Variants in UGT1A7 observed in about 807,000 individuals in gnomAD.
The protein encoded by UGT1A7 is UDP glucuronosyltransferase family 1 member A7, also known as UDP-glucuronosyltransferase 1A7.
A neutral mutation model predicts 45.6 loss-of-function variants in UGT1A7; 33 were observed. The observed-to-expected ratio is 0.72, with a 90% CI of 0.55 to 0.97. The LOEUF is 0.97. Ranked by LOEUF, UGT1A7 falls within the 50% of genes least tolerant of loss-of-function variation. The pLI is 0.00. For missense variants in UGT1A7, 684 were observed against 666.2 expected, an observed-to-expected ratio of 1.03 and a Z score of -0.29; for synonymous variants, 274 against 250.6, an observed-to-expected ratio of 1.09 and a Z score of -0.88.
chr2:233,771,764 G>GTCCCTCTCTCCT (rs1188840663), intron 4 of UGT1A7: 1 of 152,544 alleles, frequency 6.6e-6, no homozygotes, highest in East Asian at 1.9e-4. Context: ...TCCTTCCTCC[G>GTCCCTCTCTCCT]TCCCTCTCTC....
At chr2:233,755,961 C>T (rs1443749544) in intron 1 of UGT1A7, 1 of 152,160 alleles carries the variant, frequency 6.6e-6, no homozygotes, top group Non-Finnish European at 1.5e-5. Flanking sequence ...TAGTACTTGG[C>T]TCTATAGAGA....
At chr2:233,738,412 C>G (rs988923331) in intron 1 of UGT1A7, among the ~76,000 whole-genome samples, 2 of 152,164 alleles carry the variant, frequency 1.3e-5, no homozygotes, top group African/African-American at 2.4e-5. Flanking sequence ...GGGTAACAGG[C>G]AGAGGCTGGA....
At position 233,682,225 on chromosome 2, in the gene UGT1A7, T is replaced by C; in HGVS notation, c.288T>C (p.Ala96=). 1 of 1,614,246 alleles carries C rather than the reference T, an allele frequency of 6.2e-7. No homozygotes were observed. Among genetic ancestry groups the C allele is most frequent in the Non-Finnish European group, 8.5e-7 (1 of 1,180,038 alleles). The change falls in exon 1 of 5, where the codon GCT becomes GCC. Residue 96 remains alanine, a synonymous_variant. Transcript: ENST00000373426. ...GGGAGTTCATGGTTTTTGCCGATGC[T>C]CGCTGGACGGCACCATTGCGAAGTG... The part of the protein sequence containing the change: ...QDREFMVFAD[A]RWTAPLRSAF...
chr2:233,719,068 C>G (rs1363775237), intron 1 of UGT1A7: 3 of 1,614,146 alleles, frequency 1.9e-6, no homozygotes, highest in Admixed American at 3.3e-5. Flanking sequence ...TATGCTGTTC[C>G]ATGGACCCAG....
chr2:233,766,948 G>A, intron 1 of UGT1A7, 86 bp from the exon 2 acceptor site: 1 of 1,599,792 alleles, frequency 6.3e-7, no homozygotes, highest in Non-Finnish European at 8.5e-7. Context: ...AGTCTTAAGA[G>A]GAAGATATCT....
intron 1 of UGT1A7, among the ~76,000 whole-genome samples, chr2:233,705,647 C>G (rs1279287310): frequency 6.6e-6 from 1 of 152,122 alleles, no homozygotes; most frequent in Non-Finnish European, 1.5e-5. Flanking sequence ...AGTTGAAGGT[C>G]TTCTCATAAA....
At chr2:233,747,669 C>T in intron 1 of UGT1A7, 1 of 1,603,504 alleles carries the variant, frequency 6.2e-7, no homozygotes, top group South Asian at 1.1e-5. Flanking sequence ...TTTAATAGAC[C>T]CAATTTACCT....
intron 1 of UGT1A7, among the ~76,000 whole-genome samples, chr2:233,704,633 C>CT (rs1366925708): frequency 6.6e-6 from 1 of 151,896 alleles, no homozygotes; most frequent in African/African-American, 2.4e-5. Flanking sequence ...TTATATTAAC[C>CT]TTTTTGCTTA....
In UGT1A7 at chr2:233,682,552, G is replaced by T; in HGVS notation, c.615G>T (p.Glu205Asp). 2 of 1,613,932 alleles carry T rather than the reference G, an allele frequency of 1.2e-6. No homozygotes were observed. The highest frequency in any genetic ancestry group is 1.7e-6 in the Non-Finnish European group (2 of 1,179,848). Residue 205 changes from glutamate to aspartate, a missense_variant, in exon 1 of 5, where the codon GAG becomes GAT. By Grantham distance (45) the Glu-to-Asp change is conservative. Coordinates refer to ENST00000373426, the MANE Select transcript of UGT1A7 (RefSeq NM_019077.3). The part of the protein sequence containing the change: ...LGFSDAMTFK[E>D]RVWNHIMHLE... Reference sequence around the variant, plus strand: ...TCTCAGACGCCATGACTTTCAAGGAGAGAGTATGGAACCACATCATGCACT... The same window carrying T: ...TCTCAGACGCCATGACTTTCAAGGATAGAGTATGGAACCACATCATGCACT...
At position 233,718,962 on chromosome 2, in the gene UGT1A7, T is replaced by A. The variant is rs2011425; in HGVS notation, c.855+36170T>A. The stretch of plus-strand genomic sequence containing the variant: ...CCCCTGGCTCAGCATGCGGGAGGCC[T>A]TGCGGGAGCTCCATGCCAGAGGCCA... On this transcript the variant is annotated intron_variant, in intron 1 of 4. Coordinates refer to ENST00000373426, the MANE Select transcript of UGT1A7 (RefSeq NM_019077.3). 1.5e-5 allele frequency: 24 copies of A among 1,614,014 alleles called. No individual in the cohort carries two copies. In the South Asian group the frequency reaches 2.6e-4, roughly 18 times the overall value.
chr2:233,743,747 G>A (rs370175895), intron 1 of UGT1A7: 9 of 1,367,226 alleles, frequency 6.6e-6, no homozygotes, highest in African/African-American at 1.5e-5. Flanking sequence ...CTTGGCGTCC[G>A]ACAACACCTC....
chr2:233,739,475 GA>G (rs1691117772), intron 1 of UGT1A7, among the ~76,000 whole-genome samples: 1 of 152,238 alleles, frequency 6.6e-6, no homozygotes, highest in African/African-American at 2.4e-5. Flanking sequence ...GAGACCGTGG[GA>G]GCCCATTTCT....
At chr2:233,704,862 G>T (rs991681240) in intron 1 of UGT1A7, among the ~76,000 whole-genome samples, 2 of 152,056 alleles carry the variant, frequency 1.3e-5, no homozygotes, top group African/African-American at 4.8e-5. Context: ...GGCCGGGCAC[G>T]GTGGCTCACT....
intron 1 of UGT1A7, among the ~76,000 whole-genome samples, chr2:233,751,411 T>C (rs1183802209): frequency 1.3e-5 from 2 of 152,166 alleles, no homozygotes; most frequent in Admixed American, 6.5e-5. Flanking sequence ...ACTATGGACT[T>C]TTGAGCTAGT....
At position 233,682,413 on chromosome 2, in the gene UGT1A7, A is replaced by G. The variant is rs1324390372; in HGVS notation, c.476A>G (p.Lys159Arg). 25 of 1,613,852 alleles carry G rather than the reference A, an allele frequency of 1.5e-5. No individual in the cohort carries two copies. Among genetic ancestry groups the G allele is most frequent in the Middle Eastern group, 3.3e-4 (2 of 6,056 alleles). Residue 159 changes from lysine (K) to arginine (R), a missense_variant, in exon 1 of 5, where the codon AAA (lysine) becomes AGA (arginine). Lys to Arg is a conservative substitution (Grantham distance 26). Coordinates refer to ENST00000373426, the MANE Select transcript of UGT1A7 (RefSeq NM_019077.3). ...PFDACGLIVA[K>R]YFSLPSVVFA... The stretch of plus-strand genomic sequence containing the variant: ...GATGCCTGTGGCTTAATTGTTGCCA[A>G]ATATTTCTCCCTCCCCTCTGTGGTC...
intron 1 of UGT1A7, among the ~76,000 whole-genome samples, chr2:233,728,655 C>T (rs928027852): frequency 5.3e-5 from 8 of 152,140 alleles, no homozygotes; most frequent in East Asian, 1.9e-4. Flanking sequence ...TTTTTGGATG[C>T]GCTGCGTTAC....
At chr2:233,686,948 T>C (rs1195523937) in intron 1 of UGT1A7, among the ~76,000 whole-genome samples, 1 of 152,166 alleles carries the variant, frequency 6.6e-6, no homozygotes, top group Non-Finnish European at 1.5e-5. Flanking sequence ...AGGGAAGCTG[T>C]CAGTAATTAA....
At chr2:233,696,603 G>A (rs1255929079) in intron 1 of UGT1A7, among the ~76,000 whole-genome samples, 1 of 135,292 alleles carries the variant, frequency 7.4e-6, no homozygotes, top group Non-Finnish European at 1.6e-5. Context: ...CAACTTGGAT[G>A]CCCTTTCTTT....
chr2:233,699,578 A>G (rs2075513804), intron 1 of UGT1A7, among the ~76,000 whole-genome samples: 1 of 152,218 alleles, frequency 6.6e-6, no homozygotes, highest in Non-Finnish European at 1.5e-5. Context: ...TGGCTCTAGG[A>G]CATCCTTTCT....
Sources: gnomAD v4.1 joint callset for allele counts (sites outside exome capture counted in the v4.1 genomes callset) on GRCh38, gnomAD v4.1.1 for gene constraint, MANE v1.5 for transcripts, NCBI Gene and HGNC (gene_info 2026-07-23, HGNC 2026-07-21) for gene names.